Variants in LNPEP observed in about 807,000 individuals in gnomAD.
LNPEP encodes leucyl-cystinyl aminopeptidase.
In LNPEP, 64 loss-of-function variants were observed where a neutral mutation model predicts 120.6. The observed-to-expected ratio is 0.53, with a 90% CI of 0.43 to 0.65. LNPEP has a LOEUF of 0.65. LNPEP is among the 30% of genes least tolerant of loss of function. The probability of loss-of-function intolerance (pLI) is 0.00; values close to 1 mark genes in which losing one functional copy is unlikely to be tolerated. For missense variants in LNPEP, 1,057 were observed against 1,200.0 expected, an observed-to-expected ratio of 0.88 and a Z score of 1.76; for synonymous variants, 435 against 425.4, an observed-to-expected ratio of 1.02 and a Z score of -0.28.
At position 96,959,049 on chromosome 5, in the gene LNPEP, C is replaced by T. The variant is rs557557435; in HGVS notation, c.20-20089C>T. ...CCATGTTGGCCAGGATGGTCTTGAT[C>T]TCTTGACTTCATGATCCGCTTGCCT... is the stretch of plus-strand genomic sequence containing the variant. On this transcript the variant is annotated intron_variant, in intron 1 of 17. Transcript: ENST00000231368. 1.5e-3 allele frequency among the ~76,000 whole-genome samples: 228 copies of T among 152,186 alleles called. 3 individuals are homozygous for T. In the South Asian group the frequency reaches 0.024, roughly 16 times the overall value.
intron 1 of LNPEP, among the ~76,000 whole-genome samples, chr5:96,947,320 A>G (rs1430527674): frequency 6.6e-6 from 1 of 152,220 alleles, no homozygotes; most frequent in Non-Finnish European, 1.5e-5. Flanking sequence ...ATAAATATAA[A>G]TGTAAATAAT....
At chr5:96,966,519 TG>T (rs1789727470) in intron 1 of LNPEP, among the ~76,000 whole-genome samples, 1 of 144,924 alleles carries the variant, frequency 6.9e-6, no homozygotes, top group Non-Finnish European at 1.5e-5. Context: ...TGTGTGTGTG[TG>T]TGTGTGTGTG....
At chr5:97,028,200 T>A (rs1791392315) in intron 17 of LNPEP, among the ~76,000 whole-genome samples, 1 of 152,194 alleles carries the variant, frequency 6.6e-6, no homozygotes, top group East Asian at 1.9e-4. Flanking sequence ...GTAAAAAGAT[T>A]TCCTTTTTAA....
At chr5:96,967,590 C>A (rs1789760394) in intron 1 of LNPEP, among the ~76,000 whole-genome samples, 1 of 151,976 alleles carries the variant, frequency 6.6e-6, no homozygotes, top group African/African-American at 2.4e-5. Flanking sequence ...TGACTCAGAT[C>A]CCATAGTCAC....
At chr5:97,010,467 G>A (rs1582025876) in intron 11 of LNPEP, 9 of 985,372 alleles carry the variant, frequency 9.1e-6, no homozygotes, top group South Asian at 4.7e-5. Context: ...AGGGGTATTA[G>A]AGAAGGGAAT....
At chr5:96,973,397 T>G (rs1789916481) in intron 1 of LNPEP, among the ~76,000 whole-genome samples, 1 of 152,136 alleles carries the variant, frequency 6.6e-6, no homozygotes, top group Non-Finnish European at 1.5e-5. Context: ...AGTTACTTTA[T>G]ATGATACTTA....
intron 2 of LNPEP, among the ~76,000 whole-genome samples, chr5:96,982,347 T>C (rs538094325): frequency 6.6e-6 from 1 of 152,204 alleles, no homozygotes; most frequent in African/African-American, 2.4e-5. Flanking sequence ...AGTGTTCAAC[T>C]TTAGTATTTC....
intron 1 of LNPEP, among the ~76,000 whole-genome samples, chr5:96,964,902 A>G (rs1284119260): frequency 1.3e-5 from 2 of 152,166 alleles, no homozygotes; most frequent in African/African-American, 4.8e-5. Flanking sequence ...AAAATGTATA[A>G]ACTTAGTTGC....
intron 1 of LNPEP, among the ~76,000 whole-genome samples, chr5:96,945,325 A>C (rs1017056380): frequency 6.6e-6 from 1 of 151,370 alleles, no homozygotes; most frequent in Non-Finnish European, 1.5e-5. Context: ...TGAAAGGATC[A>C]CTTGAGCCTG....
intron 1 of LNPEP, among the ~76,000 whole-genome samples, chr5:96,939,824 T>C (rs1789011243): frequency 6.6e-6 from 1 of 152,170 alleles, no homozygotes; most frequent in South Asian, 2.1e-4. Flanking sequence ...TGTGATTCCA[T>C]CTTTTAATCT....
chr5:97,010,547 A>C (rs1790901318), intron 11 of LNPEP: 1 of 985,106 alleles, frequency 1.0e-6, no homozygotes, highest in African/African-American at 1.7e-5. Flanking sequence ...ACTGTACAGG[A>C]AATTTTGTAA....
intron 1 of LNPEP, among the ~76,000 whole-genome samples, chr5:96,941,183 A>G (rs948621269): frequency 6.6e-6 from 1 of 152,142 alleles, no homozygotes; most frequent in African/African-American, 2.4e-5. Context: ...CGCAGTTCAC[A>G]ATAGGGTTCG....
At chr5:96,950,021 A>G (rs1198375080) in intron 1 of LNPEP, among the ~76,000 whole-genome samples, 2 of 152,136 alleles carry the variant, frequency 1.3e-5, no homozygotes, top group African/African-American at 2.4e-5. Context: ...ATTTTTTGGA[A>G]CATTCTTATT....
At chr5:96,974,692 T>C (rs1467303121) in intron 1 of LNPEP, among the ~76,000 whole-genome samples, 2 of 152,144 alleles carry the variant, frequency 1.3e-5, no homozygotes, top group African/African-American at 4.8e-5. Context: ...ATTTCTTCTT[T>C]GGGCCCCTGG....
At chr5:97,019,920 A>C (rs1791151124) in intron 13 of LNPEP, among the ~76,000 whole-genome samples, 1 of 152,166 alleles carries the variant, frequency 6.6e-6, no homozygotes, top group African/African-American at 2.4e-5. Flanking sequence ...AGGTATGTCA[A>C]GTGGGATCCC....
intron 1 of LNPEP, among the ~76,000 whole-genome samples, chr5:96,973,580 G>A (rs1316556449): frequency 6.6e-6 from 1 of 152,032 alleles, no homozygotes; most frequent in African/African-American, 2.4e-5. Flanking sequence ...CATTTACAAT[G>A]GATTGGATAT....
intron 3 of LNPEP, 47 bp from the exon 4 acceptor site, chr5:96,986,492 C>G (rs754255877): frequency 6.4e-7 from 1 of 1,555,978 alleles, no homozygotes; most frequent in Non-Finnish European, 8.7e-7. Flanking sequence ...TTGTTATTGC[C>G]ATTTATTCCT....
intron 8 of LNPEP, among the ~76,000 whole-genome samples, chr5:97,002,308 G>A (rs1365157304): frequency 6.6e-6 from 1 of 152,128 alleles, no homozygotes; most frequent in Non-Finnish European, 1.5e-5. Flanking sequence ...AGTTGGTAAC[G>A]AGGAGGGTGA....
At chr5:96,943,704 G>A (rs1384818340) in intron 1 of LNPEP, among the ~76,000 whole-genome samples, 1 of 152,210 alleles carries the variant, frequency 6.6e-6, no homozygotes, top group Admixed American at 6.5e-5. Context: ...AAATGAGGAG[G>A]AAACCAGGTC....
Sources: gnomAD v4.1 joint callset for allele counts (sites outside exome capture counted in the v4.1 genomes callset) on GRCh38, gnomAD v4.1.1 for gene constraint, MANE v1.5 for transcripts, NCBI Gene and HGNC (gene_info 2026-07-23, HGNC 2026-07-21) for gene names.